The following MLLT10 variants were observed in gnomAD, a reference collection of about 807,000 sequenced individuals.
MLLT10 encodes protein AF-10.
A neutral mutation model predicts 129.1 loss-of-function variants in MLLT10; 30 were observed. That is an observed-to-expected ratio of 0.23 (90% CI 0.17 to 0.32). The LOEUF is 0.32. Ranked by LOEUF, MLLT10 falls within the 10% of genes least tolerant of loss-of-function variation. MLLT10 has a pLI of 1.00. For synonymous variants in MLLT10, 490 were observed against 446.4 expected, an observed-to-expected ratio of 1.10 and a Z score of -1.23; for missense variants, 1,119 against 1,268.3, an observed-to-expected ratio of 0.88 and a Z score of 1.79.
At chr10:21,620,369 T>G (rs1209741405) in intron 8 of MLLT10, among the ~76,000 whole-genome samples, 2 of 152,232 alleles carry the variant, frequency 1.3e-5, no homozygotes, top group African/African-American at 2.4e-5. Flanking sequence ...TTGAAATGGT[T>G]TGAATTACGA....
chr10:21,733,064 T>G lies in MLLT10; in HGVS notation c.2384T>G (p.Ile795Arg). The G allele has an allele frequency of 6.2e-7, 1 of 1,611,396 alleles. No homozygotes were observed. Among genetic ancestry groups the G allele is most frequent in the Non-Finnish European group, 8.5e-7 (1 of 1,178,842 alleles). ...ITANPSPSHQ[I>R]HTFSAQTAPT... ...GCAAATCCTAGTCCGTCTCATCAAA[T>G]ACACACATTTTCAGCACAGACTGGT... The change falls in exon 18 of 23, where the codon ATA becomes AGA. Residue 795 changes from isoleucine (I) to arginine (R), a missense_variant. Physicochemically the swap from Ile to Arg is moderately conservative, Grantham distance 97. Coordinates refer to ENST00000307729, the MANE Select transcript of MLLT10 (RefSeq NM_001195626.3).
At chr10:21,739,736 CA>C (rs1165321190) in intron 21 of MLLT10, among the ~76,000 whole-genome samples, 2 of 152,188 alleles carry the variant, frequency 1.3e-5, no homozygotes, top group Admixed American at 6.5e-5. Context: ...ATGATGCATT[CA>C]AATGTCCACC....
At chr10:21,547,768 A>G (rs2036345177) in intron 3 of MLLT10, among the ~76,000 whole-genome samples, 1 of 152,028 alleles carries the variant, frequency 6.6e-6, no homozygotes, top group South Asian at 2.1e-4. Context: ...TGAACTCCTG[A>G]CCTCAGGTAA....
chr10:21,605,358 C>G (rs2043956485), intron 5 of MLLT10, among the ~76,000 whole-genome samples: 1 of 152,160 alleles, frequency 6.6e-6, no homozygotes, highest in Non-Finnish European at 1.5e-5. Context: ...AGTTGAAAAA[C>G]TGTAAGTAGA....
chr10:21,552,388 CTTTTTTTTT>C (rs1225893534), intron 3 of MLLT10, among the ~76,000 whole-genome samples: 3 of 112,092 alleles, frequency 2.7e-5, no homozygotes, highest in African/African-American at 1.1e-4. Flanking sequence ...CTTCTTATTG[CTTTTTTTTT>C]TTTTTTTTTT....
intron 7 of MLLT10, among the ~76,000 whole-genome samples, chr10:21,616,059 C>T (rs2045222850): frequency 6.6e-6 from 1 of 151,906 alleles, no homozygotes; most frequent in African/African-American, 2.4e-5. Context: ...ATGAAATGAG[C>T]AGTTTAGGCC....
At chr10:21,691,215 T>A (rs2053821226) in intron 13 of MLLT10, among the ~76,000 whole-genome samples, 1 of 152,188 alleles carries the variant, frequency 6.6e-6, no homozygotes, top group Non-Finnish European at 1.5e-5. Context: ...CCTTTCACAT[T>A]AACTTCTGGT....
chr10:21,695,002 G>C (rs941406647), intron 13 of MLLT10, among the ~76,000 whole-genome samples: 1 of 150,638 alleles, frequency 6.6e-6, no homozygotes, highest in Non-Finnish European at 1.5e-5. Flanking sequence ...GTCTGACTTC[G>C]CCTTCTGCCG....
intron 3 of MLLT10, among the ~76,000 whole-genome samples, chr10:21,568,081 G>A (rs927681257): frequency 6.6e-6 from 1 of 152,196 alleles, no homozygotes; most frequent in Non-Finnish European, 1.5e-5. Flanking sequence ...GCCTCCCAAG[G>A]TGCTGGGATT....
At chr10:21,588,624 T>C (rs1233840221) in intron 4 of MLLT10, among the ~76,000 whole-genome samples, 1 of 152,106 alleles carries the variant, frequency 6.6e-6, no homozygotes, top group East Asian at 1.9e-4. Flanking sequence ...TTTACCAATA[T>C]ATGTTCCCAG....
At position 21,673,409 on chromosome 10, in the gene MLLT10, C is replaced by G; in HGVS notation, c.1111C>G (p.Pro371Ala). The change falls in exon 11 of 23, where the codon CCC (proline) becomes GCC (alanine). Residue 371 changes from proline to alanine, a missense_variant. Physicochemically the swap from Pro to Ala is conservative, Grantham distance 27. This residue lies in a region of MLLT10 where 1,004 missense variants were observed against 1,008.7 expected (regional missense o/e 1.00). Transcript: ENST00000307729. ...ATCTTCTGGAAGTTCAGTGCAGTCT[C>G]CCCAGGATTTCCTGAGCTTTACAGA... ...KSSSGSSVQS[P>A]QDFLSFTDSD... 1 of 1,607,828 alleles carries G rather than the reference C, an allele frequency of 6.2e-7. No homozygotes were observed. The highest frequency in any genetic ancestry group is 8.5e-7 in the Non-Finnish European group (1 of 1,177,574).
rs142745318 is a variant in MLLT10 at position 21,679,449 on chromosome 10, C to G, written c.1622-1883C>G. Among the ~76,000 whole-genome samples, 8 of 152,266 alleles carry G rather than the reference C, an allele frequency of 5.3e-5. No homozygotes were observed. In the East Asian group the frequency reaches 1.2e-3, roughly 22 times the overall value. ...ACATCTTTTTCTTCACTAAAACCAT[C>G]TTGTTATTTTCTCTGAGAAAAGTCT... On this transcript the variant is annotated intron_variant, in intron 11 of 22. Transcript: ENST00000307729.
In MLLT10 at chr10:21,738,897, G is replaced by A. The variant is rs1248800755; in HGVS notation, c.2956-1133G>A. ...ATCACTGTCTGTAAATAGCATCTCTGTGCTGATACTTACATCTCCAGCCAG... is the reference window on the plus strand; with the variant it reads ...ATCACTGTCTGTAAATAGCATCTCTATGCTGATACTTACATCTCCAGCCAG... On this transcript the variant is annotated intron_variant, in intron 21 of 22. Transcript: ENST00000307729. Among the ~76,000 whole-genome samples, 5 of 152,226 alleles carry A rather than the reference G, an allele frequency of 3.3e-5. No homozygotes were observed. In the South Asian group the frequency reaches 1.0e-3, roughly 32 times the overall value.
At chr10:21,717,519 ACCTCCT>A (rs1180960349) in intron 14 of MLLT10, among the ~76,000 whole-genome samples, 1,933 of 75,306 alleles carry the variant, frequency 0.026, 27 homozygotes, top group South Asian at 0.039. Flanking sequence ...CTCCTCCACC[ACCTCCT>A]CCTCCTCCTC....
In MLLT10 at chr10:21,687,120, A is replaced by G. The variant is rs543293081; in HGVS notation, c.1699+4863A>G. On this transcript the variant is annotated intron_variant, in intron 13 of 22. Coordinates refer to ENST00000307729, the MANE Select transcript of MLLT10 (RefSeq NM_001195626.3). ...ATTATGATGCTTCTGGTTTGAGACA[A>G]CTGCGCTCACTAAACAAATAGGGTT... Among the ~76,000 whole-genome samples, 8 of 152,294 alleles carry G rather than the reference A, an allele frequency of 5.3e-5. No homozygotes were observed. In the East Asian group the frequency reaches 9.6e-4, roughly 18 times the overall value.
In MLLT10 at chr10:21,612,457, G is replaced by A. The variant is rs772456586; in HGVS notation, c.509+6G>A. 3.8e-6 allele frequency: 6 copies of A among 1,586,620 alleles called. No individual in the cohort carries two copies. The African/African-American group carries it at 8.1e-5, about 21-fold the overall frequency. Reference sequence around the variant, plus strand: ...CAGGCTTTCCATGTAACATGGTAAGGATGTTTCCATTGTTGCACAGAACTG... The same window carrying A: ...CAGGCTTTCCATGTAACATGGTAAGAATGTTTCCATTGTTGCACAGAACTG... On this transcript the variant is annotated splice_donor_region_variant and intron_variant, in intron 6 of 22. Coordinates refer to ENST00000307729, the MANE Select transcript of MLLT10 (RefSeq NM_001195626.3).
intron 13 of MLLT10, among the ~76,000 whole-genome samples, chr10:21,710,720 T>C (rs1309088993): frequency 1.3e-5 from 2 of 152,204 alleles, no homozygotes; most frequent in Non-Finnish European, 2.9e-5. Flanking sequence ...AGTGATTTCA[T>C]TTATAGGATA....
chr10:21,701,599 A>T (rs1029825302), intron 13 of MLLT10, among the ~76,000 whole-genome samples: 1 of 151,786 alleles, frequency 6.6e-6, no homozygotes, highest in African/African-American at 2.4e-5. Flanking sequence ...ATATATATAT[A>T]TTTTGAAGAT....
chr10:21,692,331 T>G lies in MLLT10; in HGVS notation c.1699+10074T>G, dbSNP rs992189099. Among the ~76,000 whole-genome samples the G allele has an allele frequency of 5.9e-5, 9 of 151,756 alleles. 1 individual carries two copies. Among genetic ancestry groups the G allele is most frequent in the South Asian group, 4.2e-4 (2 of 4,798 alleles). ...ATTATCACAATGGTTATATTATTAT[T>G]ATTATTATTATTATTATTTAATCAA... On this transcript the variant is annotated intron_variant, in intron 13 of 22. Transcript: ENST00000307729.
Sources: gnomAD v4.1 joint callset for allele counts (sites outside exome capture counted in the v4.1 genomes callset) on GRCh38, gnomAD v4.1.1 for gene constraint, gnomAD v4.1.1 regional missense constraint, MANE v1.5 for transcripts, NCBI Gene and HGNC (gene_info 2026-07-23, HGNC 2026-07-21) for gene names.